The following PDE4B variants were observed in gnomAD, a reference collection of about 807,000 sequenced individuals.
The protein encoded by PDE4B is 3',5'-cyclic-AMP phosphodiesterase 4B.
In PDE4B, 20 loss-of-function variants were observed where a neutral mutation model predicts 82.2. That is an observed-to-expected ratio of 0.24 (90% CI 0.17 to 0.35). PDE4B has a LOEUF of 0.35. PDE4B is among the 10% of genes least tolerant of loss of function. The pLI is 1.00. For missense variants in PDE4B, 655 were observed against 907.2 expected (o/e 0.72, Z 3.57); for synonymous variants, 320 against 318.9 (o/e 1.00, Z -0.04).
chr1:65,971,647 G>T (rs1417403557), intron 3 of PDE4B, among the ~76,000 whole-genome samples: 1 of 152,132 alleles, frequency 6.6e-6, no homozygotes, highest in African/African-American at 2.4e-5. Flanking sequence ...TGCTGAGAGT[G>T]ATATTTATTC....
At chr1:65,803,810 G>A (rs1477720559) in intron 1 of PDE4B, among the ~76,000 whole-genome samples, 2 of 152,150 alleles carry the variant, frequency 1.3e-5, no homozygotes, top group Non-Finnish European at 2.9e-5. Flanking sequence ...GTCAGTAAAG[G>A]TTTTTGTCAG....
intron 9 of PDE4B, among the ~76,000 whole-genome samples, chr1:66,357,270 C>T (rs763288297): frequency 6.6e-6 from 1 of 152,160 alleles, no homozygotes; most frequent in Non-Finnish European, 1.5e-5. Context: ...CAGTCCTCTT[C>T]GTTTGTAGTC....
At chr1:66,147,511 A>G (rs1252254189) in intron 3 of PDE4B, among the ~76,000 whole-genome samples, 1 of 152,202 alleles carries the variant, frequency 6.6e-6, no homozygotes, top group Non-Finnish European at 1.5e-5. Context: ...TCCTCTTAAT[A>G]AACACACAAT....
intron 3 of PDE4B, among the ~76,000 whole-genome samples, chr1:65,940,742 T>C (rs1001041170): frequency 2.0e-5 from 3 of 152,046 alleles, no homozygotes; most frequent in African/African-American, 7.2e-5. Flanking sequence ...GGAAATATTT[T>C]TTGGGGTATA....
intron 3 of PDE4B, among the ~76,000 whole-genome samples, chr1:65,929,428 T>G (rs1470348388): frequency 6.6e-6 from 1 of 152,198 alleles, no homozygotes; most frequent in Non-Finnish European, 1.5e-5. Flanking sequence ...GTCCCATTCT[T>G]TTCCAATCAA....
intron 7 of PDE4B, chr1:66,332,063 G>T: frequency 9.2e-7 from 1 of 1,092,346 alleles, no homozygotes; most frequent in Non-Finnish European, 1.1e-6. Flanking sequence ...ATGAGAAAAA[G>T]CTTTCCTCAT....
chr1:65,970,257 G>A (rs935357210), intron 3 of PDE4B, among the ~76,000 whole-genome samples: 2 of 150,716 alleles, frequency 1.3e-5, no homozygotes, highest in African/African-American at 4.9e-5. Context: ...TGCTTTAAAG[G>A]TTGTACGGTT....
intron 3 of PDE4B, among the ~76,000 whole-genome samples, chr1:66,092,208 G>T (rs1322803072): frequency 6.6e-6 from 1 of 152,006 alleles, no homozygotes; most frequent in Non-Finnish European, 1.5e-5. Flanking sequence ...TTGAGTTAGA[G>T]TACAGTAAGT....
At chr1:65,890,367 TTCCC>T (rs1449232343) in intron 1 of PDE4B, among the ~76,000 whole-genome samples, 2 of 152,044 alleles carry the variant, frequency 1.3e-5, no homozygotes, top group African/African-American at 4.8e-5. Flanking sequence ...AAACTGTTCT[TTCCC>T]CTAGAAACTG....
chr1:66,202,422 G>A (rs1649066760), intron 3 of PDE4B, among the ~76,000 whole-genome samples: 2 of 152,118 alleles, frequency 1.3e-5, no homozygotes, highest in Non-Finnish European at 2.9e-5. Flanking sequence ...CTGTCTCGTT[G>A]ATCTGTCTAA....
chr1:66,039,461 T>C (rs1018954567), intron 3 of PDE4B, among the ~76,000 whole-genome samples: 2 of 152,078 alleles, frequency 1.3e-5, no homozygotes, highest in Non-Finnish European at 2.9e-5. Context: ...GAATAATACA[T>C]ACCAAAATAT....
At chr1:66,273,760 T>G (rs1179780175) in intron 7 of PDE4B, among the ~76,000 whole-genome samples, 2 of 152,190 alleles carry the variant, frequency 1.3e-5, no homozygotes, top group Non-Finnish European at 2.9e-5. Flanking sequence ...ACTGAACAAA[T>G]AGGGATGAAA....
intron 3 of PDE4B, among the ~76,000 whole-genome samples, chr1:66,180,228 G>A (rs966753269): frequency 3.3e-5 from 5 of 152,190 alleles, no homozygotes; most frequent in South Asian, 2.1e-4. Flanking sequence ...TAGGAGATAC[G>A]TATGGAGGAA....
chr1:66,157,300 C>T (rs1423578549), intron 3 of PDE4B, among the ~76,000 whole-genome samples: 1 of 152,204 alleles, frequency 6.6e-6, no homozygotes, highest in African/African-American at 2.4e-5. Context: ...CCTTTATTGT[C>T]ACTTAGACTT....
At chr1:66,021,260 A>G (rs904857528) in intron 3 of PDE4B, among the ~76,000 whole-genome samples, 7 of 152,110 alleles carry the variant, frequency 4.6e-5, no homozygotes, top group African/African-American at 1.4e-4. Context: ...CTCCCATTCA[A>G]TAAGTTGCCT....
At chr1:66,084,257 C>G (rs1174754905) in intron 3 of PDE4B, among the ~76,000 whole-genome samples, 2 of 152,092 alleles carry the variant, frequency 1.3e-5, no homozygotes, top group Non-Finnish European at 2.9e-5. Flanking sequence ...TGTTTCCTAT[C>G]AGTCAAAGGT....
intron 1 of PDE4B, among the ~76,000 whole-genome samples, chr1:65,848,052 G>A (rs1429444354): frequency 6.6e-6 from 1 of 152,098 alleles, no homozygotes. Context: ...TTAATGTATT[G>A]ATTAATTTTG....
intron 3 of PDE4B, among the ~76,000 whole-genome samples, chr1:66,191,442 A>T (rs1389823996): frequency 6.6e-6 from 1 of 152,226 alleles, no homozygotes; most frequent in African/African-American, 2.4e-5. Context: ...TGCTCCTGTT[A>T]TTAGTAAAAT....
At chr1:65,881,287 T>G (rs1646705394) in intron 1 of PDE4B, among the ~76,000 whole-genome samples, 1 of 152,174 alleles carries the variant, frequency 6.6e-6, no homozygotes, top group Non-Finnish European at 1.5e-5. Flanking sequence ...CAAAGTCCTG[T>G]TCACTTTCTG....
Sources: allele counts gnomAD v4.1 joint callset (sites outside exome capture counted in the v4.1 genomes callset), GRCh38; gene constraint gnomAD v4.1.1; transcripts MANE v1.5; gene names NCBI Gene and HGNC (gene_info 2026-07-23, HGNC 2026-07-21).